CNNM2: variants seen among roughly 807,000 people sequenced by gnomAD.
CNNM2 encodes cyclin and CBS domain divalent metal cation transport mediator 2, also known as metal transporter CNNM2.
A neutral mutation model predicts 66.9 loss-of-function variants in CNNM2; 12 were observed. The ratio of observed to expected loss-of-function variants is 0.18; its 90% confidence interval spans 0.11 to 0.29. The LOEUF (loss-of-function observed/expected upper bound fraction) is 0.29, where lower values mean the gene tolerates loss of function less well. Among genes scored for constraint, CNNM2 ranks in the 10% least tolerant of loss-of-function variants. The probability of loss-of-function intolerance (pLI) is 1.00; values close to 1 mark genes in which losing one functional copy is unlikely to be tolerated. For synonymous variants in CNNM2, 557 were observed against 501.8 expected (o/e 1.11, Z -1.47); for missense variants, 705 against 1,167.7 (o/e 0.60, Z 5.77).
chr10:103,085,011 C>T lies in CNNM2; in HGVS notation c.*7831C>T, dbSNP rs970047280. 6.6e-6 allele frequency: 1 copy of T among 152,140 alleles called. No individual in the cohort carries two copies. The highest frequency in any genetic ancestry group is 2.4e-5 in the African/African-American group (1 of 41,414). 9.4% of individuals were successfully genotyped at this position (152,140 alleles called of 1,614,324 possible). ...CCTCCAAGGGCCTCATATCTGTGCTCTTATTTTCAAGCAGTCCCAGGACAA... is the reference window on the plus strand; with the variant it reads ...CCTCCAAGGGCCTCATATCTGTGCTTTTATTTTCAAGCAGTCCCAGGACAA... On this transcript the variant is annotated 3_prime_UTR_variant, in exon 8 of 8. Transcript: ENST00000369878.
chr10:103,067,334 C>T (rs2065496342), intron 4 of CNNM2, among the ~76,000 whole-genome samples: 1 of 152,102 alleles, frequency 6.6e-6, no homozygotes, highest in South Asian at 2.1e-4. Context: ...TCCCAAAGTG[C>T]TGAGGTTACA....
chr10:103,077,062 T>C lies in CNNM2; in HGVS notation c.2510T>C (p.Leu837Ser). The change falls in exon 8 of 8, where the codon TTG becomes TCG. Residue 837 changes from leucine (L) to serine (S), a missense_variant. Leu to Ser is a moderately radical substitution (Grantham distance 145). Coordinates refer to ENST00000369878, the MANE Select transcript of CNNM2 (RefSeq NM_017649.5). ...SSDSENTKIELTLTELHDGLP... is the reference protein window; with the variant it reads ...SSDSENTKIESTLTELHDGLP... ...GACAGTGAAAACACTAAAATCGAAT[T>C]GACTCTTACGGAGCTGCATGACGGG... is the stretch of plus-strand genomic sequence containing the variant. 5 of 1,613,952 alleles carry C rather than the reference T, an allele frequency of 3.1e-6. No homozygotes were observed. The highest frequency in any genetic ancestry group is 4.2e-6 in the Non-Finnish European group (5 of 1,179,884).
At chr10:103,011,630 A>G (rs1379673491) in intron 1 of CNNM2, among the ~76,000 whole-genome samples, 4 of 150,850 alleles carry the variant, frequency 2.7e-5, no homozygotes, top group Non-Finnish European at 5.9e-5. Context: ...TTTCTTTTGC[A>G]TAAGTAATAC....
At chr10:103,072,511 C>T (rs1321443764) in intron 6 of CNNM2, among the ~76,000 whole-genome samples, 1 of 152,128 alleles carries the variant, frequency 6.6e-6, no homozygotes, top group African/African-American at 2.4e-5. Context: ...CCCCGCTTCT[C>T]CCCGCCACCA....
At chr10:103,040,766 A>G (rs533768023) in intron 1 of CNNM2, among the ~76,000 whole-genome samples, 8 of 152,158 alleles carry the variant, frequency 5.3e-5, no homozygotes, top group African/African-American at 1.7e-4. Flanking sequence ...GCTGCTGTCA[A>G]CCTCATCCCT....
chr10:103,000,309 T>C (rs1564839551), intron 1 of CNNM2, among the ~76,000 whole-genome samples: 1 of 151,818 alleles, frequency 6.6e-6, no homozygotes. Flanking sequence ...TATAGAAAAC[T>C]GTGTGGCATC....
At chr10:103,057,879 T>C (rs1008003750) in intron 4 of CNNM2, among the ~76,000 whole-genome samples, 3 of 152,258 alleles carry the variant, frequency 2.0e-5, no homozygotes, top group African/African-American at 7.2e-5. Context: ...CATTCTAAAC[T>C]TCCTTTGAGT....
Position 103,076,223 on chromosome 10 carries a change from A to T in CNNM2, c.2371A>T (p.Ile791Phe), listed in dbSNP as rs772583923. The change falls in exon 7 of 8, where the codon ATC (isoleucine) becomes TTC (phenylalanine). Residue 791 changes from isoleucine (I) to phenylalanine (F), a missense_variant. This residue lies in a region of CNNM2 where 194 missense variants were observed against 227.6 expected (regional missense o/e 0.85). Transcript: ENST00000369878. ...CAATTCTTCGCTCCTCCAAGTCTACATCCCCGATTACTCGGTGCGAGCCCT... is the reference window on the plus strand; with the variant it reads ...CAATTCTTCGCTCCTCCAAGTCTACTTCCCCGATTACTCGGTGCGAGCCCT... Reference protein sequence around the residue: ...QLNSSLLQVYIPDYSVRALSD... With the variant: ...QLNSSLLQVYFPDYSVRALSD... The T allele has an allele frequency of 1.3e-6, 2 of 1,579,644 alleles. No homozygotes were observed. The highest frequency in any genetic ancestry group is 2.7e-5 in the African/African-American group (2 of 74,086).
chr10:103,077,388 G>A lies in CNNM2; in HGVS notation c.*208G>A. 1.1e-5 allele frequency: 6 copies of A among 533,818 alleles called. No homozygotes were observed. The highest frequency in any genetic ancestry group is 2.0e-5 in the Non-Finnish European group (6 of 301,574). 33.1% of individuals were successfully genotyped at this position (533,818 alleles called of 1,614,324 possible). A position where few individuals can be genotyped will look rare whatever the true frequency, so the allele number is the denominator to read the frequency against. On this transcript the variant is annotated 3_prime_UTR_variant, in exon 8 of 8. Transcript: ENST00000369878. ...GAGAGATGTGAAGTTGGCAGCCGGG[G>A]CATGGCGTTCAAGATTTTGGAGATG...
chr10:103,079,586 C>G lies in CNNM2; in HGVS notation c.*2406C>G, dbSNP rs2065736762. 1 of 152,230 alleles carries G rather than the reference C, an allele frequency of 6.6e-6. No homozygotes were observed. Among genetic ancestry groups the G allele is most frequent in the African/African-American group, 2.4e-5 (1 of 41,442 alleles). 9.4% of individuals were successfully genotyped at this position (152,230 alleles called of 1,614,324 possible). On this transcript the variant is annotated 3_prime_UTR_variant, in exon 8 of 8. Coordinates refer to ENST00000369878, the MANE Select transcript of CNNM2 (RefSeq NM_017649.5). Reference sequence around the variant, plus strand: ...GCCTCTGACTTCAGGGAGAAGCAGACTTCTTAATACTGTCTTACGTGCTCG... The same window carrying G: ...GCCTCTGACTTCAGGGAGAAGCAGAGTTCTTAATACTGTCTTACGTGCTCG...
At chr10:102,990,881 C>G (rs2063886675) in intron 1 of CNNM2, among the ~76,000 whole-genome samples, 3 of 152,132 alleles carry the variant, frequency 2.0e-5, no homozygotes, top group Admixed American at 2.0e-4. Context: ...TCTTTTACCC[C>G]CTGTTCCTCA....
intron 1 of CNNM2, among the ~76,000 whole-genome samples, chr10:102,934,488 C>A (rs1443431591): frequency 6.6e-6 from 1 of 151,704 alleles, no homozygotes; most frequent in African/African-American, 2.4e-5. Context: ...ACCATGTTGG[C>A]GAGGCTGGTC....
At position 102,970,930 on chromosome 10, in the gene CNNM2, C is replaced by A. The variant is rs117978529; in HGVS notation, c.1621+50829C>A. ...CTGGGGCTTGGTGTGGTGGCTCATG[C>A]CTATAATCCCAACACTTTGGGAGGC... On this transcript the variant is annotated intron_variant, in intron 1 of 7. Transcript: ENST00000369878. Among the ~76,000 whole-genome samples, 2,824 of 152,052 alleles carry A rather than the reference C, an allele frequency of 0.019. 67 individuals carry two copies. Among genetic ancestry groups the A allele is most frequent in the South Asian group, 0.12 (572 of 4,814 alleles).
intron 1 of CNNM2, among the ~76,000 whole-genome samples, chr10:102,921,858 C>T (rs1162137054): frequency 6.6e-6 from 1 of 152,142 alleles, no homozygotes; most frequent in Non-Finnish European, 1.5e-5. Context: ...TTCTTCACTT[C>T]TATATCTTTT....
At chr10:103,005,167 G>A (rs1006969377) in intron 1 of CNNM2, among the ~76,000 whole-genome samples, 5 of 151,454 alleles carry the variant, frequency 3.3e-5, no homozygotes, top group African/African-American at 7.3e-5. Flanking sequence ...CACCCACCTC[G>A]GCTCCCAAAG....
chr10:102,931,162 T>C (rs1846049830), intron 1 of CNNM2, among the ~76,000 whole-genome samples: 1 of 152,164 alleles, frequency 6.6e-6, no homozygotes, highest in South Asian at 2.1e-4. Flanking sequence ...TGGTCTGTAC[T>C]GGGCTTCTGC....
chr10:103,045,081 A>G (rs934151745), intron 1 of CNNM2, among the ~76,000 whole-genome samples: 1 of 152,210 alleles, frequency 6.6e-6, no homozygotes, highest in African/African-American at 2.4e-5. Context: ...AATGATCACA[A>G]GCTGGGAATA....
chr10:103,053,922 A>G (rs1564862925), intron 2 of CNNM2, among the ~76,000 whole-genome samples: 2 of 152,208 alleles, frequency 1.3e-5, no homozygotes, highest in South Asian at 4.1e-4. Flanking sequence ...GTGTGTACAC[A>G]GTGGTGGTCC....
At chr10:102,927,243 A>G (rs1243491752) in intron 1 of CNNM2, 1 of 1,472,164 alleles carries the variant, frequency 6.8e-7, no homozygotes, top group Non-Finnish European at 9.4e-7. Context: ...TTTGCTTGAC[A>G]TATAAAGAGT....
Sources: allele counts gnomAD v4.1 joint callset (sites outside exome capture counted in the v4.1 genomes callset), GRCh38; gene constraint gnomAD v4.1.1; regional missense constraint gnomAD v4.1.1; transcripts MANE v1.5; gene names NCBI Gene and HGNC (gene_info 2026-07-23, HGNC 2026-07-21).